CSMD1: variants seen among roughly 807,000 people sequenced by gnomAD.
CSMD1 encodes CUB and sushi domain-containing protein 1.
A neutral mutation model predicts 417.5 loss-of-function variants in CSMD1; 213 were observed. That is an observed-to-expected ratio of 0.51 (90% CI 0.46 to 0.57). The LOEUF (loss-of-function observed/expected upper bound fraction) is 0.57, where lower values mean the gene tolerates loss of function less well. CSMD1 is among the 20% of genes least tolerant of loss of function. CSMD1 has a pLI of 0.00. For missense variants in CSMD1, 6,923 were observed against 4,529.7 expected (o/e 1.53, Z -15.17); for synonymous variants, 2,862 against 1,736.8 (o/e 1.65, Z -16.11).
intron 5 of CSMD1, among the ~76,000 whole-genome samples, chr8:3,863,293 AGGCTGAGGCAGGAGAATCGC>A (rs1804845026): frequency 6.6e-6 from 1 of 150,914 alleles, no homozygotes; most frequent in Admixed American, 6.7e-5. Context: ...GCTACTCAGG[AGGCTGAGGCAGGAGAATCGC>A]TTGAACCCAG....
chr8:3,852,084 A>G (rs1803949454), intron 5 of CSMD1, among the ~76,000 whole-genome samples: 1 of 152,212 alleles, frequency 6.6e-6, no homozygotes. Context: ...ATCTTTGCAG[A>G]AAAGGAATTC....
rs1193930765 is a variant in CSMD1, at chr8:2,950,267, G to T, written c.10278C>A (p.Ser3426Arg). 4 of 1,612,960 alleles carry T rather than the reference G, an allele frequency of 2.5e-6. No homozygotes were observed. Among genetic ancestry groups the T allele is most frequent in the Non-Finnish European group, 3.4e-6 (4 of 1,179,166 alleles). Residue 3426 changes from serine (S) to arginine (R), a missense_variant, in exon 67 of 70, where the codon AGC becomes AGA. Physicochemically the swap from Ser to Arg is moderately radical, Grantham distance 110. Transcript: ENST00000635120. Reference protein sequence around the residue: ...QIKGQADIFVSKFENDNWGLD... With the variant: ...QIKGQADIFVRKFENDNWGLD... ...GTCCCCAGTTGTCATTTTCGAACTT[G>T]CTTACAAAAATATCTGCCTGGCCTT...
chr8:4,319,009 G>T (rs1271024050), intron 3 of CSMD1, among the ~76,000 whole-genome samples: 1 of 152,140 alleles, frequency 6.6e-6, no homozygotes, highest in Non-Finnish European at 1.5e-5. Flanking sequence ...GAGGCCTTAA[G>T]TCTAACAAAG....
At chr8:4,375,829 C>G (rs1411252803) in intron 3 of CSMD1, among the ~76,000 whole-genome samples, 2 of 152,096 alleles carry the variant, frequency 1.3e-5, no homozygotes, top group African/African-American at 4.8e-5. Context: ...TGTTTTTAAG[C>G]CAAAACAGAC....
At chr8:4,546,656 T>C (rs1329829990) in intron 2 of CSMD1, among the ~76,000 whole-genome samples, 2 of 152,136 alleles carry the variant, frequency 1.3e-5, no homozygotes, top group African/African-American at 4.8e-5. Context: ...GTTACGCCAA[T>C]GGCTTTCCTG....
At chr8:4,051,855 T>TTTCTTTCTTTC (rs1171604026) in intron 3 of CSMD1, among the ~76,000 whole-genome samples, 10 of 17,370 alleles carry the variant, frequency 5.8e-4, no homozygotes, top group East Asian at 0.016. Flanking sequence ...TTTTCTTTTC[T>TTTCTTTCTTTC]CTTTCTTTCT....
At chr8:4,692,089 A>G (rs1211553068) in intron 1 of CSMD1, among the ~76,000 whole-genome samples, 3 of 152,160 alleles carry the variant, frequency 2.0e-5, no homozygotes, top group African/African-American at 7.2e-5. Context: ...GACTTGCTGT[A>G]TGCTGAATAC....
chr8:4,359,261 G>A (rs1273303993), intron 3 of CSMD1, among the ~76,000 whole-genome samples: 1 of 152,112 alleles, frequency 6.6e-6, no homozygotes, highest in African/African-American at 2.4e-5. Context: ...CACTCTTCAA[G>A]AATATTTAAT....
At chr8:4,255,602 A>T (rs1020737922) in intron 3 of CSMD1, among the ~76,000 whole-genome samples, 1 of 152,210 alleles carries the variant, frequency 6.6e-6, no homozygotes, top group South Asian at 2.1e-4. Context: ...CATAAAGTTG[A>T]TTATACTTGA....
chr8:4,527,549 G>A (rs931187163), intron 2 of CSMD1, among the ~76,000 whole-genome samples: 2 of 152,264 alleles, frequency 1.3e-5, no homozygotes, highest in South Asian at 2.1e-4. Flanking sequence ...GCAGGTGTTT[G>A]TAGAGATAAG....
At position 3,241,296 on chromosome 8, in the gene CSMD1, G is replaced by A. The variant is rs543839084; in HGVS notation, c.4154-11065C>T. On this transcript the variant is annotated intron_variant, in intron 26 of 69. Transcript: ENST00000635120. ...TTTTAAGAGGTTTAGAAGCCTGGCC[G>A]TCAATACCCACAACAGTTATGGAGG... Among the ~76,000 whole-genome samples the A allele has an allele frequency of 6.4e-4, 97 of 151,038 alleles. 1 individual carries two copies. The highest frequency in any genetic ancestry group is 1.2e-3 in the Non-Finnish European group (80 of 67,520).
chr8:3,608,013 T>C (rs932640663), intron 8 of CSMD1, among the ~76,000 whole-genome samples: 3 of 151,948 alleles, frequency 2.0e-5, no homozygotes, highest in Non-Finnish European at 2.9e-5. Flanking sequence ...CTACTAAAAA[T>C]ACAAAATAAT....
intron 4 of CSMD1, among the ~76,000 whole-genome samples, chr8:4,004,193 A>G (rs1321558118): frequency 6.6e-6 from 1 of 152,106 alleles, no homozygotes; most frequent in Non-Finnish European, 1.5e-5. Flanking sequence ...TAGTAATATA[A>G]TTGTTATGAG....
At chr8:3,667,675 C>T (rs566656001) in intron 7 of CSMD1, among the ~76,000 whole-genome samples, 1 of 152,112 alleles carries the variant, frequency 6.6e-6, no homozygotes, top group Non-Finnish European at 1.5e-5. Context: ...GAGCAGTTGT[C>T]CACGCATGGT....
chr8:3,130,238 A>G (rs901131772), intron 41 of CSMD1, among the ~76,000 whole-genome samples: 2 of 152,144 alleles, frequency 1.3e-5, no homozygotes, highest in Non-Finnish European at 2.9e-5. Context: ...AACAGGATGT[A>G]GTTCACTAGG....
At chr8:3,941,284 A>G (rs1256751638) in intron 5 of CSMD1, among the ~76,000 whole-genome samples, 1 of 152,198 alleles carries the variant, frequency 6.6e-6, no homozygotes, top group Admixed American at 6.5e-5. Flanking sequence ...CAAATTCCCA[A>G]AATATTATTT....
At chr8:4,369,801 C>T (rs1350586012) in intron 3 of CSMD1, among the ~76,000 whole-genome samples, 3 of 152,142 alleles carry the variant, frequency 2.0e-5, no homozygotes, top group African/African-American at 7.2e-5. Context: ...CTTTATCCAT[C>T]CCTTTACTTC....
At chr8:3,872,046 A>G (rs1805514802) in intron 5 of CSMD1, among the ~76,000 whole-genome samples, 1 of 152,182 alleles carries the variant, frequency 6.6e-6, no homozygotes, top group South Asian at 2.1e-4. Flanking sequence ...TGGATACATT[A>G]TATTGCTCTT....
At chr8:3,210,522 T>C (rs1386332557) in intron 30 of CSMD1, among the ~76,000 whole-genome samples, 1 of 38,002 alleles carries the variant, frequency 2.6e-5, no homozygotes, top group Non-Finnish European at 5.3e-5. Flanking sequence ...TATAGGAATA[T>C]ATGTGAATAT....
Sources: gnomAD v4.1 joint callset for allele counts (sites outside exome capture counted in the v4.1 genomes callset) on GRCh38, gnomAD v4.1.1 for gene constraint, MANE v1.5 for transcripts, NCBI Gene and HGNC (gene_info 2026-07-23, HGNC 2026-07-21) for gene names.